KCNJ3: variants seen among roughly 807,000 people sequenced by gnomAD.
KCNJ3 encodes the protein potassium inwardly rectifying channel subfamily J member 3.
KCNJ3 carries 4 observed loss-of-function variants against 39.2 expected under a neutral mutation model. That is an observed-to-expected ratio of 0.10 (90% CI 0.05 to 0.23). The LOEUF (loss-of-function observed/expected upper bound fraction) is 0.23, where lower values mean the gene tolerates loss of function less well. Among genes scored for constraint, KCNJ3 ranks in the 10% least tolerant of loss-of-function variants. KCNJ3 has a pLI of 1.00. For synonymous variants in KCNJ3, 230 were observed against 237.4 expected, an observed-to-expected ratio of 0.97 and a Z score of 0.29; for missense variants, 276 against 634.9, an observed-to-expected ratio of 0.43 and a Z score of 6.08.
chr2:154,742,406 G>A (rs1685669209), intron 2 of KCNJ3, among the ~76,000 whole-genome samples: 1 of 151,778 alleles, frequency 6.6e-6, no homozygotes, highest in South Asian at 2.1e-4. Context: ...AAGTAAAATT[G>A]CCAGGTCATA....
intron 1 of KCNJ3, among the ~76,000 whole-genome samples, chr2:154,705,059 CA>C (rs1328071321): frequency 1.3e-5 from 2 of 152,146 alleles, no homozygotes; most frequent in African/African-American, 4.8e-5. Context: ...AGGCATGGAT[CA>C]AACTTTAGAA....
chr2:154,727,913 A>G (rs1267287443), intron 2 of KCNJ3, among the ~76,000 whole-genome samples: 2 of 150,266 alleles, frequency 1.3e-5, no homozygotes, highest in Non-Finnish European at 3.0e-5. Flanking sequence ...CTCATTGCTT[A>G]TAAGATATAA....
chr2:154,726,765 C>T (rs7561284), intron 2 of KCNJ3, among the ~76,000 whole-genome samples: 15,693 of 71,056 alleles, frequency 0.22, 2,276 homozygotes, highest in African/African-American at 0.49. Context: ...TATATATATA[C>T]ACACACACAC....
chr2:154,750,748 G>A (rs541984974), intron 2 of KCNJ3, among the ~76,000 whole-genome samples: 1 of 151,996 alleles, frequency 6.6e-6, no homozygotes, highest in East Asian at 1.9e-4. Flanking sequence ...TTGCCATTTT[G>A]TTTTCATTGC....
intron 2 of KCNJ3, among the ~76,000 whole-genome samples, chr2:154,745,341 A>G (rs1274343353): frequency 6.6e-6 from 1 of 151,982 alleles, no homozygotes; most frequent in Non-Finnish European, 1.5e-5. Context: ...TATTGCTGAC[A>G]ATTAGTATAT....
Position 154,761,442 on chromosome 2 carries a change from C to A in KCNJ3, c.919+51623C>A, listed in dbSNP as rs542874870. Among the ~76,000 whole-genome samples the A allele has an allele frequency of 8.5e-5, 13 of 152,200 alleles. No individual in the cohort carries two copies. The East Asian group carries it at 2.5e-3, about 29-fold the overall frequency. ...TGTCGTTATTTTTGTCATTTGATCT[C>A]TTGTGTAATTTTAGGATCAGCTCTA... On this transcript the variant is annotated intron_variant, in intron 2 of 2. Transcript: ENST00000295101.
Position 154,729,874 on chromosome 2 carries a change from C to T in KCNJ3, c.919+20055C>T, listed in dbSNP as rs149765915. Among the ~76,000 whole-genome samples, 92 of 152,134 alleles carry T rather than the reference C, an allele frequency of 6.0e-4. 1 individual carries two copies. In the East Asian group the frequency reaches 0.013, roughly 21 times the overall value. ...GCAAATAGTAGAAAACCCAACCAAC[C>T]ATGGCTTAAATAGCTGAGTGTTTAT... is the stretch of plus-strand genomic sequence containing the variant. On this transcript the variant is annotated intron_variant, in intron 2 of 2. Coordinates refer to ENST00000295101, the MANE Select transcript of KCNJ3 (RefSeq NM_002239.4).
chr2:154,849,672 C>T (rs1687721917), intron 2 of KCNJ3, among the ~76,000 whole-genome samples: 1 of 152,176 alleles, frequency 6.6e-6, no homozygotes, highest in Non-Finnish European at 1.5e-5. Context: ...GACACATCCA[C>T]CATCCCCGGC....
rs550031440 is a variant in KCNJ3, at chr2:154,743,473, A to G, written c.919+33654A>G. ...TCTTAACAATATTGTCTTCCAGTCT[A>G]TGAAGATGGGATGTCTTTCTGTTTA... On this transcript the variant is annotated intron_variant, in intron 2 of 2. Transcript: ENST00000295101. 1.1e-3 allele frequency among the ~76,000 whole-genome samples: 161 copies of G among 151,898 alleles called. 1 individual carries two copies. Among genetic ancestry groups the G allele is most frequent in the South Asian group, 5.2e-3 (25 of 4,828 alleles).
chr2:154,774,325 T>G (rs1686293802), intron 2 of KCNJ3, among the ~76,000 whole-genome samples: 1 of 152,184 alleles, frequency 6.6e-6, no homozygotes, highest in African/African-American at 2.4e-5. Context: ...TCTCCAAGAC[T>G]AGTTTTACAG....
At chr2:154,759,131 C>T (rs2105187384) in intron 2 of KCNJ3, among the ~76,000 whole-genome samples, 1 of 152,284 alleles carries the variant, frequency 6.6e-6, no homozygotes, top group Non-Finnish European at 1.5e-5. Context: ...ATGTTCATAT[C>T]TGTAGCCAAC....
intron 2 of KCNJ3, among the ~76,000 whole-genome samples, chr2:154,711,834 C>T (rs141683793): frequency 5.3e-5 from 8 of 152,070 alleles, no homozygotes; most frequent in East Asian, 3.9e-4. Context: ...AGTTTTATAA[C>T]GTAAATTGTT....
intron 2 of KCNJ3, among the ~76,000 whole-genome samples, chr2:154,762,778 A>G (rs187391800): frequency 1.1e-4 from 16 of 152,320 alleles, no homozygotes; most frequent in Admixed American, 2.6e-4. Flanking sequence ...ATGACAATGG[A>G]TGTGAGACTC....
intron 2 of KCNJ3, among the ~76,000 whole-genome samples, chr2:154,849,823 A>T (rs1264668182): frequency 6.6e-6 from 1 of 152,196 alleles, no homozygotes; most frequent in Non-Finnish European, 1.5e-5. Flanking sequence ...TAATTCAGTT[A>T]AAAGGATGGA....
chr2:154,747,176 G>C (rs1057212918), intron 2 of KCNJ3, among the ~76,000 whole-genome samples: 5 of 151,792 alleles, frequency 3.3e-5, no homozygotes, highest in Non-Finnish European at 7.4e-5. Context: ...TTTATAATTT[G>C]CCTCTCTAAG....
chr2:154,755,320 A>C (rs867197932), intron 2 of KCNJ3, among the ~76,000 whole-genome samples: 3 of 152,020 alleles, frequency 2.0e-5, no homozygotes, highest in African/African-American at 7.2e-5. Flanking sequence ...GTAAGCTTAC[A>C]TTAATGAGTC....
At chr2:154,741,439 T>C (rs992627760) in intron 2 of KCNJ3, among the ~76,000 whole-genome samples, 3 of 148,136 alleles carry the variant, frequency 2.0e-5, no homozygotes, top group Non-Finnish European at 4.4e-5. Context: ...TTGATGAATT[T>C]TTTTTTTTCA....
intron 2 of KCNJ3, among the ~76,000 whole-genome samples, chr2:154,767,509 G>A (rs148559207): frequency 0.09 from 13,755 of 152,118 alleles, 963 homozygotes; most frequent in East Asian, 0.29. Context: ...TACAAAGGAC[G>A]TGAACTCATC....
intron 2 of KCNJ3, among the ~76,000 whole-genome samples, chr2:154,815,185 C>A (rs1687063132): frequency 6.6e-6 from 1 of 152,106 alleles, no homozygotes; most frequent in Non-Finnish European, 1.5e-5. Flanking sequence ...TTATTTTTTT[C>A]TGTATCTTTT....
Sources: allele counts gnomAD v4.1 joint callset (sites outside exome capture counted in the v4.1 genomes callset), GRCh38; gene constraint gnomAD v4.1.1; transcripts MANE v1.5; gene names NCBI Gene and HGNC (gene_info 2026-07-23, HGNC 2026-07-21).